Variants in CCNY observed in about 807,000 individuals in gnomAD.
CCNY encodes the protein cyclin-Y.
Under a neutral mutation model 42.8 loss-of-function variants are expected in CCNY, and 19 were observed. The observed-to-expected ratio is 0.44, with a 90% CI of 0.31 to 0.65. The LOEUF is 0.65. CCNY is among the 30% of genes least tolerant of loss of function. CCNY has a pLI of 0.07. For missense variants in CCNY, 370 were observed against 437.3 expected (o/e 0.85, Z 1.37); for synonymous variants, 165 against 162.7 (o/e 1.01, Z -0.11).
chr10:35,260,536 GA>G (rs1290610094), intron 3 of CCNY, among the ~76,000 whole-genome samples: 2 of 152,226 alleles, frequency 1.3e-5, no homozygotes, highest in African/African-American at 4.8e-5. Flanking sequence ...TTCACCCTAA[GA>G]AAAGAGTTTT....
chr10:35,505,995 T>C (rs950118499), intron 3 of CCNY, among the ~76,000 whole-genome samples: 1 of 152,212 alleles, frequency 6.6e-6, no homozygotes, highest in Non-Finnish European at 1.5e-5. Flanking sequence ...TCTATTCTGG[T>C]TATAGGCTTC....
intron 3 of CCNY, among the ~76,000 whole-genome samples, chr10:35,255,111 G>A (rs550154643): frequency 7.7e-6 from 1 of 129,206 alleles, no homozygotes; most frequent in Non-Finnish European, 1.7e-5. Flanking sequence ...GTATATAACT[G>A]TATATGTCTA....
At chr10:35,256,666 G>A (rs1470978728) in intron 3 of CCNY, among the ~76,000 whole-genome samples, 4 of 151,708 alleles carry the variant, frequency 2.6e-5, no homozygotes, top group African/African-American at 9.7e-5. Context: ...AGGAGGCGGA[G>A]GTTGCAGTGA....
intron 8 of CCNY, among the ~76,000 whole-genome samples, chr10:35,555,999 A>G (rs940354259): frequency 6.6e-6 from 1 of 152,254 alleles, no homozygotes; most frequent in African/African-American, 2.4e-5. Context: ...GGTTAGTAGA[A>G]TAGTAGGATT....
chr10:35,529,488 T>A (rs1840719720), intron 5 of CCNY, among the ~76,000 whole-genome samples: 1 of 152,228 alleles, frequency 6.6e-6, no homozygotes, highest in South Asian at 2.1e-4. Flanking sequence ...TGGGCTATTT[T>A]AATCATAAGT....
At chr10:35,340,781 G>A (rs1191085128) in intron 1 of CCNY, among the ~76,000 whole-genome samples, 1 of 152,184 alleles carries the variant, frequency 6.6e-6, no homozygotes, top group Admixed American at 6.5e-5. Flanking sequence ...TGGGATTACA[G>A]GGGTGAGCCA....
At position 35,277,255 on chromosome 10, in the gene CCNY, G is replaced by C. The variant is rs191147979; in HGVS notation, c.-9+26629G>C. On this transcript the variant is annotated intron_variant, in intron 3 of 11. Transcript: ENST00000374706. Reference sequence around the variant, plus strand: ...TTGCATAACATCTACCTCATTTAAGGCTTCTGCAACATCTTTAAGCAAGTA... The same window carrying C: ...TTGCATAACATCTACCTCATTTAAGCCTTCTGCAACATCTTTAAGCAAGTA... Among the ~76,000 whole-genome samples the C allele has an allele frequency of 2.6e-5, 4 of 152,230 alleles. No homozygotes were observed. The East Asian group carries it at 7.7e-4, about 29-fold the overall frequency.
At chr10:35,362,589 T>C (rs182205435) in intron 1 of CCNY, among the ~76,000 whole-genome samples, 3 of 150,984 alleles carry the variant, frequency 2.0e-5, no homozygotes, top group Middle Eastern at 3.6e-3. Context: ...TTTTTTTTTT[T>C]AATTCTCCAA....
chr10:35,554,006 T>G (rs559736068), intron 8 of CCNY, among the ~76,000 whole-genome samples: 36 of 152,342 alleles, frequency 2.4e-4, no homozygotes, highest in African/African-American at 8.4e-4. Context: ...CTGACATTAT[T>G]GTTGCTAAAA....
chr10:35,349,490 T>C (rs533349178), intron 1 of CCNY, among the ~76,000 whole-genome samples: 42 of 152,332 alleles, frequency 2.8e-4, no homozygotes, highest in African/African-American at 9.9e-4. Context: ...AGAAGGACAG[T>C]GTGCAAGTTG....
intron 1 of CCNY, 112 bp downstream of exon 1, chr10:35,337,319 A>G (rs1836064801): frequency 2.6e-6 from 3 of 1,155,578 alleles, no homozygotes; most frequent in Non-Finnish European, 3.4e-6. Context: ...CGACCCGTGC[A>G]TAACCGGGGC....
intron 1 of CCNY, among the ~76,000 whole-genome samples, chr10:35,391,586 C>T (rs958414137): frequency 3.3e-5 from 5 of 152,192 alleles, no homozygotes; most frequent in Admixed American, 2.6e-4. Flanking sequence ...AGAGCTGAAC[C>T]TACTGACATA....
chr10:35,253,352 C>T (rs768012019), intron 3 of CCNY, among the ~76,000 whole-genome samples: 7 of 151,286 alleles, frequency 4.6e-5, no homozygotes, highest in Non-Finnish European at 7.4e-5. Context: ...TGGGCTCAAG[C>T]GAGCCTCCTA....
chr10:35,347,517 T>G, intron 1 of CCNY: 4 of 707,454 alleles, frequency 5.7e-6, no homozygotes, highest in Non-Finnish European at 5.2e-6. Flanking sequence ...CTTACAACAT[T>G]TTATAAGCAA....
intron 1 of CCNY, among the ~76,000 whole-genome samples, chr10:35,445,960 C>T (rs1056729632): frequency 2.6e-5 from 4 of 151,962 alleles, no homozygotes; most frequent in South Asian, 2.1e-4. Context: ...CTAAATATTT[C>T]GTGGTCTTTA....
intron 7 of CCNY, among the ~76,000 whole-genome samples, chr10:35,533,058 T>C (rs1333801124): frequency 2.0e-5 from 3 of 152,208 alleles, no homozygotes; most frequent in Non-Finnish European, 4.4e-5. Context: ...CTGCTGTGGC[T>C]CTGGGGCCTT....
upstream of CCNY, among the ~76,000 whole-genome samples, chr10:35,331,893 ACTTGTT>A (rs546079429): frequency 3.7e-3 from 557 of 152,282 alleles, 1 homozygote; most frequent in Non-Finnish European, 6.0e-3. Context: ...ATTGCTGGAA[ACTTGTT>A]CTTGTGATTG....
intron 7 of CCNY, among the ~76,000 whole-genome samples, chr10:35,533,307 C>T (rs564970516): frequency 5.3e-5 from 8 of 151,954 alleles, no homozygotes; most frequent in Non-Finnish European, 1.0e-4. Context: ...TTTTTTTTCT[C>T]ACTTTGCACG....
At chr10:35,531,168 A>G (rs1840756415) in intron 7 of CCNY, among the ~76,000 whole-genome samples, 1 of 152,202 alleles carries the variant, frequency 6.6e-6, no homozygotes, top group African/African-American at 2.4e-5. Context: ...CCTTTTTGTC[A>G]CTGACCTTTT....
Sources: allele counts gnomAD v4.1 joint callset (sites outside exome capture counted in the v4.1 genomes callset), GRCh38; gene constraint gnomAD v4.1.1; transcripts MANE v1.5; gene names NCBI Gene and HGNC (gene_info 2026-07-23, HGNC 2026-07-21).